CDH15: variants seen among roughly 807,000 people sequenced by gnomAD.
The protein encoded by CDH15 is cadherin 15.
CDH15 carries 73 observed loss-of-function variants against 69.4 expected under a neutral mutation model. The observed-to-expected ratio is 1.05, with a 90% CI of 0.87 to 1.28. CDH15 has a LOEUF of 1.28. CDH15 is among the 50% of genes most tolerant of loss of function. CDH15 has a pLI of 0.00. For synonymous variants in CDH15, 624 were observed against 507.7 expected, an observed-to-expected ratio of 1.23 and a Z score of -3.08; for missense variants, 1,343 against 1,133.6, an observed-to-expected ratio of 1.18 and a Z score of -2.65.
intron 4 of CDH15, 97 bp from the exon 5 acceptor site, chr16:89,185,076 G>A: frequency 5.8e-6 from 7 of 1,215,646 alleles, no homozygotes; most frequent in Non-Finnish European, 7.0e-6. Context: ...CTGGAACCGG[G>A]GAGCCTGTGC....
chr16:89,175,052 C>G (rs903351474), intron 1 of CDH15, among the ~76,000 whole-genome samples: 27 of 152,188 alleles, frequency 1.8e-4, no homozygotes, highest in African/African-American at 6.5e-4. Flanking sequence ...TGCTCACCCA[C>G]ACCCACATTG....
chr16:89,193,566 T>A lies in CDH15; in HGVS notation c.1952T>A (p.Val651Asp). 6.2e-7 allele frequency: 1 copy of A among 1,609,680 alleles called. No individual in the cohort carries two copies. The highest frequency in any genetic ancestry group is 8.5e-7 in the Non-Finnish European group (1 of 1,178,900). Residue 651 changes from valine (V) to aspartate (D), a missense_variant, in exon 12 of 14, where the codon GTC becomes GAC. Physicochemically the swap from Val to Asp is radical, Grantham distance 152. Transcript: ENST00000289746. ...HGPQDDLRDNVLNYDEQGGGE... is the reference protein window; with the variant it reads ...HGPQDDLRDNDLNYDEQGGGE... ...CCCCAGGACGACCTTCGAGACAATG[T>A]CCTCAACTACGATGAGCAAGGAGGC...
rs756843357 is a variant in CDH15 at position 89,180,335 on chromosome 16, G to T, written c.337G>T (p.Glu113Ter). 9 of 1,612,428 alleles carry T rather than the reference G, an allele frequency of 5.6e-6. No individual in the cohort carries two copies. Among genetic ancestry groups the T allele is most frequent in the Non-Finnish European group, 6.8e-6 (8 of 1,179,604 alleles). The change falls in exon 3 of 14, where the codon GAG becomes TAG. Residue 113 changes from glutamate to a stop codon, truncating the protein, a stop_gained. Transcript: ENST00000289746. LOFTEE classifies it high-confidence loss of function. Reference sequence around the variant, plus strand: ...CTTCCTCAATGCCATGCTGGACCGCGAGAAGACTGATCGCTTCAGGGTGCG... The same window carrying T: ...CTTCCTCAATGCCATGCTGGACCGCTAGAAGACTGATCGCTTCAGGGTGCG... ...KVFLNAMLDR[E>*]KTDRFRLRAF...
chr16:89,192,027 C>T, intron 10 of CDH15, 133 bp downstream of exon 10: 1 of 1,140,638 alleles, frequency 8.8e-7, no homozygotes, highest in Non-Finnish European at 1.2e-6. Flanking sequence ...TCCCGCCACC[C>T]CCCCCACCAC....
intron 8 of CDH15, 131 bp from the exon 9 acceptor site, chr16:89,191,199 C>A: frequency 2.0e-6 from 2 of 994,782 alleles, no homozygotes; most frequent in Admixed American, 1.8e-5. Flanking sequence ...ATGTTGTGTG[C>A]ATGTGTGCAT....
intron 8 of CDH15, 150 bp downstream of exon 8, chr16:89,190,646 G>A (rs1480599894): frequency 2.6e-5 from 27 of 1,042,816 alleles, no homozygotes; most frequent in Non-Finnish European, 2.6e-5. Flanking sequence ...CTCGAGTCCC[G>A]AGCATGCCCG....
At position 89,171,790 on chromosome 16, in the gene CDH15, G is replaced by C. The variant is rs1308350795; in HGVS notation, c.-42G>C. 83 of 1,539,630 alleles carry C rather than the reference G, an allele frequency of 5.4e-5. No individual in the cohort carries two copies. The highest frequency in any genetic ancestry group is 6.7e-5 in the Non-Finnish European group (77 of 1,145,920). ...TCACTCAGCCTGGACGCGCTTCTTCGGGTCGCGGGTGCACTCCGGCCCGGC... is the reference window on the plus strand; with the variant it reads ...TCACTCAGCCTGGACGCGCTTCTTCCGGTCGCGGGTGCACTCCGGCCCGGC... On this transcript the variant is annotated 5_prime_UTR_variant, in exon 1 of 14. Transcript: ENST00000289746.
At chr16:89,179,795 G>A (rs1915335290) in intron 2 of CDH15, among the ~76,000 whole-genome samples, 1 of 152,244 alleles carries the variant, frequency 6.6e-6, no homozygotes, top group Non-Finnish European at 1.5e-5. Flanking sequence ...GTCCAGAGCT[G>A]CTCCCACCCC....
chr16:89,193,850 G>A lies in CDH15; in HGVS notation c.2088G>A (p.Leu696=). The A allele has an allele frequency of 2.5e-6, 4 of 1,611,686 alleles. No homozygotes were observed. The highest frequency in any genetic ancestry group is 3.4e-6 in the Non-Finnish European group (4 of 1,179,736). ...GCAGAGATGCCCCGCAGGGCCGCCT[G>A]CACCCCCAGCCACCCCGAGTGCTGC... The part of the protein sequence containing the change: ...PLRRDAPQGR[L]HPQPPRVLPT... The change falls in exon 13 of 14, where the codon CTG becomes CTA. Residue 696 remains leucine (L), a synonymous_variant. Coordinates refer to ENST00000289746, the MANE Select transcript of CDH15 (RefSeq NM_004933.3).
At chr16:89,179,015 C>T (rs1412113316) in intron 1 of CDH15, among the ~76,000 whole-genome samples, 4 of 152,212 alleles carry the variant, frequency 2.6e-5, no homozygotes, top group African/African-American at 7.2e-5. Flanking sequence ...AGGCTGTGTC[C>T]CCGCCGGGTG....
rs144769590 is a variant in CDH15 at position 89,180,879 on chromosome 16, A to G, written c.357+524A>G. Among the ~76,000 whole-genome samples the G allele has an allele frequency of 8.0e-3, 1,200 of 150,476 alleles. 10 individuals are homozygous for G. The highest frequency in any genetic ancestry group is 0.028 in the African/African-American group (1,146 of 40,780). ...GCTGGGACTACAGGCCCCTGCCACC[A>G]TGCCCGGCTAATTGTTTGTATTTTT... is the stretch of plus-strand genomic sequence containing the variant. On this transcript the variant is annotated intron_variant, in intron 3 of 13. Coordinates refer to ENST00000289746, the MANE Select transcript of CDH15 (RefSeq NM_004933.3).
At chr16:89,192,165 GC>G in intron 10 of CDH15, 39 bp from the exon 11 acceptor site, 1 of 1,493,144 alleles carries the variant, frequency 6.7e-7, no homozygotes, top group Non-Finnish European at 8.9e-7. Context: ...AGTGGGGGCG[GC>G]CTCGGGAGGC....
At chr16:89,192,158 G>T in intron 10 of CDH15, 47 bp from the exon 11 acceptor site, 1 of 1,485,596 alleles carries the variant, frequency 6.7e-7, no homozygotes, top group South Asian at 1.3e-5. Context: ...CAGGCGAAGT[G>T]GGGGCGGCCT....
intron 4 of CDH15, among the ~76,000 whole-genome samples, chr16:89,184,698 C>T (rs950790074): frequency 3.9e-5 from 6 of 151,946 alleles, no homozygotes; most frequent in Non-Finnish European, 8.8e-5. Context: ...CCTGCCCGTG[C>T]GTCCTCTGTC....
chr16:89,191,271 C>G (rs763123386), intron 8 of CDH15, 59 bp from the exon 9 acceptor site: 172 of 1,607,764 alleles, frequency 1.1e-4, no homozygotes, highest in Non-Finnish European at 1.4e-4. Context: ...CCATACCTGA[C>G]CACACCTGTG....
intron 7 of CDH15, among the ~76,000 whole-genome samples, chr16:89,189,343 C>CCACACACACATGCCGG (rs1567775336): frequency 1.6e-5 from 2 of 124,528 alleles, no homozygotes; most frequent in African/African-American, 5.6e-5. Context: ...ACACAGATGC[C>CCACACACACATGCCGG]CACACACAGA....
intron 13 of CDH15, 131 bp from the exon 14 acceptor site, chr16:89,194,731 G>A (rs946931295): frequency 1.6e-5 from 14 of 887,632 alleles, no homozygotes; most frequent in East Asian, 1.1e-4. Flanking sequence ...CTCAGACCTC[G>A]CCCCCGGACG....
chr16:89,179,994 G>C (rs1389673839), intron 2 of CDH15, among the ~76,000 whole-genome samples: 1 of 152,240 alleles, frequency 6.6e-6, no homozygotes, highest in Non-Finnish European at 1.5e-5. Context: ...CCTGAAATGA[G>C]GCTGCAAGAC....
intron 2 of CDH15, 139 bp downstream of exon 2, chr16:89,179,713 C>G (rs1915334066): frequency 2.3e-6 from 2 of 881,856 alleles, no homozygotes; most frequent in East Asian, 2.7e-5. Flanking sequence ...CCCACCTTGC[C>G]AGGGCTCTGG....
Sources: allele counts gnomAD v4.1 joint callset (sites outside exome capture counted in the v4.1 genomes callset), GRCh38; gene constraint gnomAD v4.1.1; transcripts MANE v1.5; gene names NCBI Gene and HGNC (gene_info 2026-07-23, HGNC 2026-07-21).